PLPPR1: variants seen among roughly 807,000 people sequenced by gnomAD.
The protein encoded by PLPPR1 is phospholipid phosphatase related 1.
Under a neutral mutation model 33.1 loss-of-function variants are expected in PLPPR1, and 10 were observed. The observed-to-expected ratio is 0.30, with a 90% confidence interval of 0.19 to 0.51. The LOEUF (loss-of-function observed/expected upper bound fraction) is 0.51. Among genes scored for constraint, PLPPR1 ranks in the 20% least tolerant of loss-of-function variants. The pLI is 0.97. For missense variants in PLPPR1, 304 were observed against 408.1 expected, an observed-to-expected ratio of 0.74 and a Z score of 2.20; for synonymous variants, 151 against 151.0, an observed-to-expected ratio of 1.00 and a Z score of 0.00.
In PLPPR1 at chr9:101,146,889, T is replaced by A. The variant is rs148927014; in HGVS notation, c.-45-38561T>A. 5.4e-4 allele frequency among the ~76,000 whole-genome samples: 83 copies of A among 152,364 alleles called. 3 individuals are homozygous for A. The East Asian group carries it at 0.013, about 23-fold the overall frequency. ...TTGCAATTGTAAGCCTTGTTCTGAT[T>A]CCACGTGGCATTAAGAATTTTAAGA... On this transcript the variant is annotated intron_variant, in intron 1 of 7. Transcript: ENST00000374874.
chr9:101,181,636 G>T (rs894055773), intron 1 of PLPPR1, among the ~76,000 whole-genome samples: 1 of 146,346 alleles, frequency 6.8e-6, no homozygotes, highest in South Asian at 2.1e-4. Context: ...GTGTGTGTAT[G>T]TGTATGTATA....
intron 1 of PLPPR1, among the ~76,000 whole-genome samples, chr9:101,113,976 G>T (rs1417506590): frequency 6.6e-6 from 1 of 152,128 alleles, no homozygotes; most frequent in Non-Finnish European, 1.5e-5. Flanking sequence ...GAGATGATAT[G>T]AGGAAGCACA....
chr9:101,112,204 G>A (rs1199625369), intron 1 of PLPPR1, among the ~76,000 whole-genome samples: 1 of 152,072 alleles, frequency 6.6e-6, no homozygotes, highest in Admixed American at 6.6e-5. Flanking sequence ...TATTCATGGT[G>A]GTGAAGACAA....
At chr9:101,206,332 C>G (rs905330543) in intron 2 of PLPPR1, among the ~76,000 whole-genome samples, 15 of 152,206 alleles carry the variant, frequency 9.9e-5, no homozygotes, top group African/African-American at 3.1e-4. Flanking sequence ...TACTCTCAAC[C>G]TGATGGTTAA....
At chr9:101,037,604 C>T (rs1830024847) in intron 1 of PLPPR1, among the ~76,000 whole-genome samples, 1 of 152,104 alleles carries the variant, frequency 6.6e-6, no homozygotes, top group Non-Finnish European at 1.5e-5. Context: ...GCTCTGTAAG[C>T]CAAGCATGCT....
intron 1 of PLPPR1, chr9:101,125,652 T>C (rs1184830287): frequency 1.7e-6 from 1 of 591,730 alleles, no homozygotes; most frequent in Non-Finnish European, 3.1e-6. Flanking sequence ...TTGTTGATCA[T>C]GGCAATTCAC....
intron 1 of PLPPR1, among the ~76,000 whole-genome samples, chr9:101,061,060 C>T (rs571103351): frequency 2.2e-4 from 34 of 151,850 alleles, no homozygotes; most frequent in South Asian, 1.5e-3. Flanking sequence ...GAGGAAGCCC[C>T]CAGAATACTT....
chr9:101,259,201 A>G (rs1439666002), intron 2 of PLPPR1, among the ~76,000 whole-genome samples: 2 of 152,078 alleles, frequency 1.3e-5, no homozygotes, highest in African/African-American at 4.8e-5. Context: ...TTCTTCAAGG[A>G]GTGGCCAAGT....
At chr9:101,300,411 T>C (rs571697933) in intron 4 of PLPPR1, among the ~76,000 whole-genome samples, 2 of 152,272 alleles carry the variant, frequency 1.3e-5, no homozygotes, top group East Asian at 1.9e-4. Context: ...ACTTAAGGGA[T>C]CCTCCAGCCT....
chr9:101,223,196 C>A (rs1449799639), intron 2 of PLPPR1, among the ~76,000 whole-genome samples: 1 of 148,852 alleles, frequency 6.7e-6, no homozygotes, highest in East Asian at 2.0e-4. Flanking sequence ...TTTAGCTGGG[C>A]ACCATGGGAT....
At chr9:101,094,369 C>T (rs1219380805) in intron 1 of PLPPR1, among the ~76,000 whole-genome samples, 2 of 152,190 alleles carry the variant, frequency 1.3e-5, no homozygotes, top group African/African-American at 4.8e-5. Context: ...TCTTTTGCAA[C>T]ATCCTACTTT....
chr9:101,227,395 ATGATGAG>A (rs1827093612), intron 2 of PLPPR1, among the ~76,000 whole-genome samples: 1 of 152,176 alleles, frequency 6.6e-6, no homozygotes, highest in African/African-American at 2.4e-5. Context: ...TGCATTTCTA[ATGATGAG>A]TGATGTTGAA....
At chr9:101,230,564 GGACT>G (rs1431352411) in intron 2 of PLPPR1, among the ~76,000 whole-genome samples, 1 of 152,048 alleles carries the variant, frequency 6.6e-6, no homozygotes, top group Non-Finnish European at 1.5e-5. Context: ...GTGTGGAAAA[GGACT>G]GTGGTTTTCT....
At chr9:101,230,649 CT>C (rs1470132888) in intron 2 of PLPPR1, among the ~76,000 whole-genome samples, 1 of 152,072 alleles carries the variant, frequency 6.6e-6, no homozygotes, top group Non-Finnish European at 1.5e-5. Flanking sequence ...CCACCTAAGT[CT>C]CTAACCCAGG....
chr9:101,307,824 GT>G (rs1386463137), intron 4 of PLPPR1, among the ~76,000 whole-genome samples: 6 of 152,174 alleles, frequency 3.9e-5, no homozygotes, highest in Non-Finnish European at 8.8e-5. Context: ...ATTTACAAGG[GT>G]TAATGCTGCC....
intron 1 of PLPPR1, among the ~76,000 whole-genome samples, chr9:101,063,831 G>A (rs73656434): frequency 2.6e-3 from 392 of 152,074 alleles, no homozygotes; most frequent in African/African-American, 9.1e-3. Flanking sequence ...TCTTTACAGC[G>A]CTTACCATAA....
chr9:101,100,489 C>T (rs1489187749), intron 1 of PLPPR1, among the ~76,000 whole-genome samples: 2 of 152,034 alleles, frequency 1.3e-5, no homozygotes, highest in South Asian at 4.2e-4. Flanking sequence ...GAGTCTTCCA[C>T]CCCAACTCCT....
At chr9:101,172,021 C>T (rs1399299800) in intron 1 of PLPPR1, among the ~76,000 whole-genome samples, 1 of 152,126 alleles carries the variant, frequency 6.6e-6, no homozygotes, top group Admixed American at 6.6e-5. Context: ...AACTGCCTTA[C>T]CTCCAATTAA....
chr9:101,041,860 T>A (rs1005560095), intron 1 of PLPPR1, among the ~76,000 whole-genome samples: 1 of 152,186 alleles, frequency 6.6e-6, no homozygotes, highest in African/African-American at 2.4e-5. Flanking sequence ...TTTCACTCAC[T>A]TAAATGCCAA....
Sources: allele counts gnomAD v4.1 joint callset (sites outside exome capture counted in the v4.1 genomes callset), GRCh38; gene constraint gnomAD v4.1.1; transcripts MANE v1.5; gene names NCBI Gene and HGNC (gene_info 2026-07-23, HGNC 2026-07-21).